SPAG16: variants seen among roughly 807,000 people sequenced by gnomAD.
The protein encoded by SPAG16 is sperm-associated antigen 16 protein.
Under a neutral mutation model 80.4 loss-of-function variants are expected in SPAG16, and 86 were observed. That is an observed-to-expected ratio of 1.07 (90% CI 0.90 to 1.28). The LOEUF (loss-of-function observed/expected upper bound fraction) is 1.28. Among genes scored for constraint, SPAG16 ranks in the 50% most tolerant of loss-of-function variants. The probability of loss-of-function intolerance (pLI) is 0.00; values close to 1 mark genes in which losing one functional copy is unlikely to be tolerated. For missense variants in SPAG16, 870 were observed against 765.3 expected (o/e 1.14, Z -1.61); for synonymous variants, 294 against 265.9 (o/e 1.11, Z -1.03).
intron 10 of SPAG16, among the ~76,000 whole-genome samples, chr2:213,528,030 T>G (rs900376538): frequency 2.4e-4 from 36 of 151,986 alleles, no homozygotes; most frequent in African/African-American, 8.7e-4. Flanking sequence ...AAATGAATCA[T>G]GATGTAAATA....
intron 13 of SPAG16, among the ~76,000 whole-genome samples, chr2:214,066,369 T>C: frequency 6.6e-6 from 1 of 152,136 alleles, no homozygotes; most frequent in East Asian, 1.9e-4. Flanking sequence ...AAAACCCTTC[T>C]CAAACATCAA....
rs1277048176 is a variant in SPAG16, at chr2:213,340,779, AT to A, written c.644+513del. 3.3e-5 allele frequency among the ~76,000 whole-genome samples: 5 copies of A among 152,288 alleles called. No individual in the cohort carries two copies. In the East Asian group the frequency reaches 9.6e-4, roughly 29 times the overall value. On this transcript the variant is annotated intron_variant, in intron 6 of 15. Coordinates refer to ENST00000331683, the MANE Select transcript of SPAG16 (RefSeq NM_024532.5). The stretch of plus-strand genomic sequence containing the variant: ...TGAATTTGTAAGTCTTTTAGAAATT[AT>A]TTTGAAGGCATTATTGAGATTTACT...
chr2:213,289,471 T>A (rs2062186145), intron 1 of SPAG16, among the ~76,000 whole-genome samples: 1 of 152,190 alleles, frequency 6.6e-6, no homozygotes, highest in East Asian at 1.9e-4. Context: ...TATAGGATAT[T>A]AATAAGAATT....
chr2:214,136,130 C>T (rs1012021067), intron 14 of SPAG16, among the ~76,000 whole-genome samples: 1 of 152,046 alleles, frequency 6.6e-6, no homozygotes, highest in Admixed American at 6.6e-5. Context: ...CTCACAGAAA[C>T]TAGTAGAGTG....
At chr2:213,378,048 T>C (rs1412447519) in intron 9 of SPAG16, among the ~76,000 whole-genome samples, 1 of 151,956 alleles carries the variant, frequency 6.6e-6, no homozygotes, top group Non-Finnish European at 1.5e-5. Flanking sequence ...GTCCCAAAAC[T>C]GAAGAACTTG....
chr2:213,311,960 T>A (rs1468487728), intron 4 of SPAG16, among the ~76,000 whole-genome samples: 1 of 151,424 alleles, frequency 6.6e-6, no homozygotes, highest in Non-Finnish European at 1.5e-5. Flanking sequence ...GTTCTTTCAC[T>A]CCTCAAGCAG....
chr2:213,404,047 G>A (rs2068474852), intron 9 of SPAG16, among the ~76,000 whole-genome samples: 1 of 152,016 alleles, frequency 6.6e-6, no homozygotes, highest in African/African-American at 2.4e-5. Context: ...ACTGCTCAAG[G>A]AAATAAAAGA....
intron 11 of SPAG16, among the ~76,000 whole-genome samples, chr2:213,923,451 C>A (rs2078316531): frequency 2.0e-5 from 3 of 152,096 alleles, no homozygotes; most frequent in Admixed American, 6.5e-5. Flanking sequence ...GCAAGTGTTG[C>A]CTGCCTTGCA....
chr2:213,842,564 C>T (rs2074413469), intron 10 of SPAG16, among the ~76,000 whole-genome samples: 1 of 151,742 alleles, frequency 6.6e-6, no homozygotes, highest in African/African-American at 2.4e-5. Flanking sequence ...TTATTTTTTG[C>T]CAAACTAACA....
At chr2:213,892,206 C>T (rs2076809501) in intron 11 of SPAG16, among the ~76,000 whole-genome samples, 1 of 152,020 alleles carries the variant, frequency 6.6e-6, no homozygotes, top group African/African-American at 2.4e-5. Flanking sequence ...AGGACCTTCT[C>T]CACTTGGGAA....
In SPAG16 at chr2:213,493,278, T is replaced by C. The variant is rs186859341; in HGVS notation, c.1070+3188T>C. Among the ~76,000 whole-genome samples, 97 of 152,304 alleles carry C rather than the reference T, an allele frequency of 6.4e-4. 3 individuals are homozygous for C. The South Asian group carries it at 0.018, about 28-fold the overall frequency. ...TAAGTGCAGAATAATTATGTTTTTT[T>C]CCCCTCTGGAGAAACAGATTTATCA... is the stretch of plus-strand genomic sequence containing the variant. On this transcript the variant is annotated intron_variant, in intron 10 of 15. Transcript: ENST00000331683.
chr2:213,962,001 T>C (rs182563562), intron 12 of SPAG16, among the ~76,000 whole-genome samples: 2 of 152,262 alleles, frequency 1.3e-5, no homozygotes, highest in East Asian at 3.9e-4. Context: ...CAGTGAAACA[T>C]TTTGGGCCTG....
intron 12 of SPAG16, among the ~76,000 whole-genome samples, chr2:213,975,332 A>G (rs2045311843): frequency 6.6e-6 from 1 of 151,168 alleles, no homozygotes; most frequent in Non-Finnish European, 1.5e-5. Context: ...TAATATTAAT[A>G]TGCATACCAC....
At chr2:213,801,508 T>C (rs1373955679) in intron 10 of SPAG16, among the ~76,000 whole-genome samples, 2 of 152,214 alleles carry the variant, frequency 1.3e-5, no homozygotes, top group Admixed American at 6.5e-5. Flanking sequence ...GCACACAGTC[T>C]TTTCAGGATT....
chr2:214,321,033 T>A (rs1576773670), intron 15 of SPAG16, among the ~76,000 whole-genome samples: 1 of 152,198 alleles, frequency 6.6e-6, no homozygotes, highest in Non-Finnish European at 1.5e-5. Flanking sequence ...AGTATAAATA[T>A]ATTGCCTACA....
At chr2:214,229,372 T>G (rs368571672) in intron 15 of SPAG16, among the ~76,000 whole-genome samples, 16 of 151,556 alleles carry the variant, frequency 1.1e-4, no homozygotes, top group African/African-American at 3.4e-4. Flanking sequence ...GAGAGAAGAA[T>G]GGGCATGCAT....
chr2:214,092,506 AATATAT>A (rs59378417), intron 13 of SPAG16, among the ~76,000 whole-genome samples: 1 of 147,848 alleles, frequency 6.8e-6, no homozygotes, highest in South Asian at 2.1e-4. Context: ...TATATATATA[AATATAT>A]ATATATATAT....
chr2:213,881,719 C>A (rs115457590), intron 11 of SPAG16, among the ~76,000 whole-genome samples: 1,575 of 152,268 alleles, frequency 0.01, 35 homozygotes, highest in African/African-American at 0.035. Flanking sequence ...GGAGAAACTG[C>A]CCCCATGATT....
intron 15 of SPAG16, among the ~76,000 whole-genome samples, chr2:214,327,641 A>C (rs1272000239): frequency 6.6e-6 from 1 of 152,210 alleles, no homozygotes; most frequent in Middle Eastern, 3.2e-3. Flanking sequence ...AGTGCAATTC[A>C]AACTATTAAC....
Sources: allele counts gnomAD v4.1 joint callset (sites outside exome capture counted in the v4.1 genomes callset), GRCh38; gene constraint gnomAD v4.1.1; transcripts MANE v1.5; gene names NCBI Gene and HGNC (gene_info 2026-07-23, HGNC 2026-07-21).